The following SEPTIN7 variants were observed in gnomAD, a reference collection of about 807,000 sequenced individuals.
SEPTIN7 encodes the protein septin 7.
A neutral mutation model predicts 63.3 loss-of-function variants in SEPTIN7; 10 were observed. That is an observed-to-expected ratio of 0.16 (90% CI 0.10 to 0.27). The LOEUF (loss-of-function observed/expected upper bound fraction) is 0.27. SEPTIN7 is among the 10% of genes least tolerant of loss of function. The probability of loss-of-function intolerance (pLI) is 1.00; values close to 1 mark genes in which losing one functional copy is unlikely to be tolerated. For missense variants in SEPTIN7, 310 were observed against 521.0 expected, an observed-to-expected ratio of 0.59 and a Z score of 3.94; for synonymous variants, 131 against 165.3, an observed-to-expected ratio of 0.79 and a Z score of 1.59.
At chr7:35,855,091 A>AT (rs1301598063) in intron 3 of SEPTIN7, among the ~76,000 whole-genome samples, 3 of 151,930 alleles carry the variant, frequency 2.0e-5, no homozygotes, top group Non-Finnish European at 2.9e-5. Context: ...GTCTTTTGGC[A>AT]TTTTTTTATA....
In SEPTIN7 at chr7:35,835,893, TG is replaced by T. The variant is rs947356886; in HGVS notation, c.169+2994del. ...AAGTACAAATTGGTCACTTTTTATG[TG>T]TTCAAAGAAACAGTTACCTATTTTA... On this transcript the variant is annotated intron_variant, in intron 3 of 13. Coordinates refer to ENST00000350320, the MANE Select transcript of SEPTIN7 (RefSeq NM_001788.6). Among the ~76,000 whole-genome samples, 44 of 152,326 alleles carry T rather than the reference TG, an allele frequency of 2.9e-4. No individual in the cohort carries two copies. In the East Asian group the frequency reaches 6.9e-3, roughly 24 times the overall value.
At chr7:35,895,402 C>G (rs1787899925) in intron 11 of SEPTIN7, among the ~76,000 whole-genome samples, 1 of 152,074 alleles carries the variant, frequency 6.6e-6, no homozygotes, top group Admixed American at 6.6e-5. Flanking sequence ...CATTTTTTCA[C>G]AGTATTTGAG....
intron 1 of SEPTIN7, among the ~76,000 whole-genome samples, chr7:35,808,533 T>C (rs1005538085): frequency 2.6e-5 from 4 of 152,212 alleles, no homozygotes; most frequent in African/African-American, 7.2e-5. Context: ...AACAGAAATC[T>C]ATTTCTTACC....
intron 11 of SEPTIN7, among the ~76,000 whole-genome samples, chr7:35,892,192 G>C (rs1051693765): frequency 6.6e-6 from 1 of 152,108 alleles, no homozygotes; most frequent in Non-Finnish European, 1.5e-5. Context: ...AAATACGAAA[G>C]ACAAGTTCTC....
At chr7:35,829,801 A>G (rs1366909326) in intron 1 of SEPTIN7, among the ~76,000 whole-genome samples, 1 of 152,220 alleles carries the variant, frequency 6.6e-6, no homozygotes, top group African/African-American at 2.4e-5. Flanking sequence ...AGAAGCATAC[A>G]GCAGGCAGCA....
In SEPTIN7 at chr7:35,848,360, C is replaced by T. The variant is rs1340136091; in HGVS notation, c.170-15192C>T. ...TCGGCTCACTGCAAGCTCCGCCTCC[C>T]GGGTTCACGCCATTCTCCTGCCTCA... is the stretch of plus-strand genomic sequence containing the variant. On this transcript the variant is annotated intron_variant, in intron 3 of 13. Transcript: ENST00000350320. Among the ~76,000 whole-genome samples the T allele has an allele frequency of 2.7e-4, 41 of 150,872 alleles. 1 individual carries two copies. The highest frequency in any genetic ancestry group is 2.0e-3 in the East Asian group (10 of 5,110).
intron 3 of SEPTIN7, among the ~76,000 whole-genome samples, chr7:35,835,188 A>G (rs1313551641): frequency 6.6e-6 from 1 of 152,186 alleles, no homozygotes; most frequent in Non-Finnish European, 1.5e-5. Flanking sequence ...TAAGAGCCAT[A>G]GAAGTTTAAG....
At chr7:35,841,870 A>G (rs1784422224) in intron 3 of SEPTIN7, among the ~76,000 whole-genome samples, 2 of 152,202 alleles carry the variant, frequency 1.3e-5, no homozygotes, top group Admixed American at 1.3e-4. Flanking sequence ...GGTAATTTCT[A>G]AATCTTTCCT....
chr7:35,869,128 G>C (rs1402145226), intron 4 of SEPTIN7, among the ~76,000 whole-genome samples: 3 of 152,116 alleles, frequency 2.0e-5, no homozygotes, highest in Non-Finnish European at 4.4e-5. Context: ...AAGAAATAAA[G>C]GTTTTGGGAA....
chr7:35,838,828 C>T (rs35244784), intron 3 of SEPTIN7, among the ~76,000 whole-genome samples: 49,267 of 151,880 alleles, frequency 0.32, 8,195 homozygotes, highest in East Asian at 0.41. Flanking sequence ...GTTTTTTGAT[C>T]TAAGTTGTGA....
At chr7:35,807,504 ACAGGCGCCCGC>A (rs1386727646) in intron 1 of SEPTIN7, among the ~76,000 whole-genome samples, 1 of 151,982 alleles carries the variant, frequency 6.6e-6, no homozygotes, top group Non-Finnish European at 1.5e-5. Context: ...AGCTGGGACT[ACAGGCGCCCGC>A]CACCGCGCCC....
chr7:35,860,877 G>C (rs1785466619), intron 3 of SEPTIN7, among the ~76,000 whole-genome samples: 1 of 152,138 alleles, frequency 6.6e-6, no homozygotes, highest in African/African-American at 2.4e-5. Context: ...AGATTCATCA[G>C]TTACATCACC....
downstream of SEPTIN7, among the ~76,000 whole-genome samples, chr7:35,907,337 T>C (rs116923937): frequency 2.0e-5 from 3 of 152,296 alleles, no homozygotes; most frequent in East Asian, 5.8e-4. Flanking sequence ...CCTGCCCCTT[T>C]TGTAATAAAA....
Position 35,891,234 on chromosome 7 carries a change from G to A in SEPTIN7, c.998+441G>A, listed in dbSNP as rs550706167. ...AAAAAAGAGATGTGTGAGGAAGCTG[G>A]TAACCATGTCTGTGCCCTACTTTTT... On this transcript the variant is annotated intron_variant, in intron 11 of 13. Transcript: ENST00000350320. Among the ~76,000 whole-genome samples, 15 of 152,252 alleles carry A rather than the reference G, an allele frequency of 9.9e-5. No homozygotes were observed. The South Asian group carries it at 1.7e-3, about 17-fold the overall frequency.
chr7:35,832,438 G>A (rs1461104899), intron 2 of SEPTIN7, among the ~76,000 whole-genome samples: 4 of 152,028 alleles, frequency 2.6e-5, no homozygotes, highest in Non-Finnish European at 5.9e-5. Context: ...ATGATATGAA[G>A]GGGATTTGAA....
At chr7:35,837,890 A>G (rs775685529) in intron 3 of SEPTIN7, among the ~76,000 whole-genome samples, 2 of 151,732 alleles carry the variant, frequency 1.3e-5, no homozygotes, top group Non-Finnish European at 2.9e-5. Context: ...ACCCCCAGCT[A>G]ATTGTGTATT....
chr7:35,895,239 C>T (rs917257348), intron 11 of SEPTIN7, among the ~76,000 whole-genome samples: 1 of 152,048 alleles, frequency 6.6e-6, no homozygotes, highest in Non-Finnish European at 1.5e-5. Context: ...AAAGTGATCT[C>T]CCTACATTTT....
At chr7:35,899,590 T>C (rs1038407053) in intron 12 of SEPTIN7, 4 of 152,104 alleles carry the variant, frequency 2.6e-5, no homozygotes, top group East Asian at 1.9e-4. Context: ...TTTTAAAATA[T>C]GTGAGATGAG....
At chr7:35,915,040 T>C in the SEPTIN7 span, among the ~76,000 whole-genome samples, 1 of 151,826 alleles carries the variant, frequency 6.6e-6, no homozygotes. Flanking sequence ...CACGTACATA[T>C]ATGTATATAT....
Sources: gnomAD v4.1 joint callset for allele counts (sites outside exome capture counted in the v4.1 genomes callset) on GRCh38, gnomAD v4.1.1 for gene constraint, MANE v1.5 for transcripts, NCBI Gene and HGNC (gene_info 2026-07-23, HGNC 2026-07-21) for gene names.